Variants in DENND5A observed in about 807,000 individuals in gnomAD.
DENND5A encodes the protein DENN domain-containing protein 5A.
DENND5A carries 64 observed loss-of-function variants against 140.3 expected under a neutral mutation model. That is an observed-to-expected ratio of 0.46 (90% CI 0.37 to 0.56). The LOEUF (loss-of-function observed/expected upper bound fraction) is 0.56, where lower values mean the gene tolerates loss of function less well. Among genes scored for constraint, DENND5A ranks in the 20% least tolerant of loss-of-function variants. The pLI, the probability that DENND5A is intolerant of heterozygous loss-of-function variation, is 0.00. For missense variants in DENND5A, 1,292 were observed against 1,593.8 expected (o/e 0.81, Z 3.22); for synonymous variants, 605 against 607.7 (o/e 1.00, Z 0.07).
chr11:9,246,803 T>A (rs1851491767), intron 1 of DENND5A, among the ~76,000 whole-genome samples: 1 of 152,166 alleles, frequency 6.6e-6, no homozygotes, highest in Non-Finnish European at 1.5e-5. Flanking sequence ...AATCTTTGCA[T>A]CTACCTACAA....
chr11:9,187,368 ACCT>A (rs1373767305), intron 5 of DENND5A, among the ~76,000 whole-genome samples: 5 of 152,062 alleles, frequency 3.3e-5, no homozygotes, highest in Non-Finnish European at 5.9e-5. Context: ...TCCTCTGTTA[ACCT>A]CCTGCCTTGT....
chr11:9,176,477 C>A (rs578257161), intron 8 of DENND5A, among the ~76,000 whole-genome samples: 1 of 152,162 alleles, frequency 6.6e-6, no homozygotes, highest in Non-Finnish European at 1.5e-5. Context: ...TAGATGAGTC[C>A]TCTGAACAAA....
At position 9,265,181 on chromosome 11, in the gene DENND5A, G is replaced by T; in HGVS notation, c.-112C>A. ...CCCTCCCGCCGCCGCCGCTACCGCG[G>T]CTCGGGCCGCCGCCCCCGGCCCTGG... is the stretch of plus-strand genomic sequence containing the variant. On this transcript the variant is annotated 5_prime_UTR_variant, in exon 1 of 23. Coordinates refer to ENST00000328194, the MANE Select transcript of DENND5A (RefSeq NM_015213.4). This position sits in a 1 kb window ranked among gnomAD's most constrained non-coding sequence, Gnocchi z 4.7. 1 of 510,478 alleles carries T rather than the reference G, an allele frequency of 2.0e-6. No individual in the cohort carries two copies. The highest frequency in any genetic ancestry group is 2.5e-6 in the Non-Finnish European group (1 of 394,288). The allele number at this position is 510,478 out of a possible 1,614,324, so 31.6% of individuals were successfully genotyped here.
chr11:9,215,768 T>C (rs1485215264), intron 1 of DENND5A, among the ~76,000 whole-genome samples: 2 of 152,082 alleles, frequency 1.3e-5, no homozygotes, highest in Non-Finnish European at 2.9e-5. Flanking sequence ...CAGGCTGATC[T>C]CAAACCCCTG....
At chr11:9,173,116 G>A (rs1262794384) in intron 8 of DENND5A, among the ~76,000 whole-genome samples, 2 of 151,968 alleles carry the variant, frequency 1.3e-5, no homozygotes, top group African/African-American at 2.4e-5. Flanking sequence ...GTGAGCCACC[G>A]CGCCTGGCCT....
intron 2 of DENND5A, chr11:9,207,253 A>G (rs1849721447): frequency 2.1e-6 from 1 of 486,536 alleles, no homozygotes; most frequent in Non-Finnish European, 3.7e-6. Flanking sequence ...AACATTAACG[A>G]AGCAGATTTC....
At chr11:9,180,710 C>A (rs1848697597) in intron 6 of DENND5A, 57 bp downstream of exon 6, 14 of 1,535,712 alleles carry the variant, frequency 9.1e-6, no homozygotes, top group Non-Finnish European at 1.2e-5. Flanking sequence ...CCTTACTTCA[C>A]CAGGACAGCA....
At chr11:9,251,523 A>C (rs1350598642) in intron 1 of DENND5A, among the ~76,000 whole-genome samples, 1 of 152,162 alleles carries the variant, frequency 6.6e-6, no homozygotes, top group Non-Finnish European at 1.5e-5. Flanking sequence ...TGATCCCCTG[A>C]AGGCATACTG....
At chr11:9,230,230 C>CTTT (rs71062817) in intron 1 of DENND5A, among the ~76,000 whole-genome samples, 10 of 52,060 alleles carry the variant, frequency 1.9e-4, no homozygotes, top group African/African-American at 4.6e-4. Context: ...AAAACTAATG[C>CTTT]TTTTTTTTTT....
intron 1 of DENND5A, among the ~76,000 whole-genome samples, chr11:9,228,093 A>C (rs1385851242): frequency 2.3e-5 from 3 of 128,850 alleles, no homozygotes; most frequent in African/African-American, 9.2e-5. Context: ...AGCCTGGGCG[A>C]TAGCAAGACT....
chr11:9,240,501 GGAGTTA>G (rs1851190257), intron 1 of DENND5A, among the ~76,000 whole-genome samples: 1 of 152,144 alleles, frequency 6.6e-6, no homozygotes, highest in Non-Finnish European at 1.5e-5. Context: ...CTTGAGTCCA[GGAGTTA>G]GAGACCAGCC....
chr11:9,184,664 C>G (rs1848847355), intron 5 of DENND5A, among the ~76,000 whole-genome samples: 1 of 152,206 alleles, frequency 6.6e-6, no homozygotes, highest in African/African-American at 2.4e-5. Context: ...AATGGCACTG[C>G]ATCGTGTATT....
chr11:9,173,808 T>TAA (rs1296288435), intron 8 of DENND5A, among the ~76,000 whole-genome samples: 1 of 151,830 alleles, frequency 6.6e-6, no homozygotes, highest in South Asian at 2.1e-4. Flanking sequence ...AATGAAATCA[T>TAA]AAAAAAAATT....
chr11:9,241,246 T>C (rs1590325078), intron 1 of DENND5A, among the ~76,000 whole-genome samples: 1 of 152,318 alleles, frequency 6.6e-6, no homozygotes, highest in Admixed American at 6.5e-5. Context: ...TTAAAACTCT[T>C]ACAGTAGCCA....
chr11:9,147,198 A>C, intron 15 of DENND5A, 47 bp from the exon 16 acceptor site: 3 of 1,601,168 alleles, frequency 1.9e-6, no homozygotes, highest in Middle Eastern at 1.7e-4. Flanking sequence ...AAAGGAAGGG[A>C]AAGAAACTAG....
At chr11:9,255,881 C>A (rs111323571) in intron 1 of DENND5A, among the ~76,000 whole-genome samples, 3,271 of 150,420 alleles carry the variant, frequency 0.022, 120 homozygotes, top group African/African-American at 0.076. Context: ...AAAAAAAAAT[C>A]CAGGCTTGGT....
chr11:9,142,636 C>CA, intron 21 of DENND5A, 86 bp downstream of exon 21: 2 of 1,527,616 alleles, frequency 1.3e-6, no homozygotes, highest in Admixed American at 1.9e-5. Flanking sequence ...TTCTGCCTCT[C>CA]AGAGTGGTCA....
intron 1 of DENND5A, among the ~76,000 whole-genome samples, chr11:9,223,680 C>G (rs183990725): frequency 6.6e-6 from 1 of 152,168 alleles, no homozygotes; most frequent in East Asian, 1.9e-4. Context: ...GATCACACCA[C>G]TGCACTCCAG....
At chr11:9,171,587 C>A in intron 8 of DENND5A, 1 of 152,020 alleles carries the variant, frequency 6.6e-6, no homozygotes, top group Non-Finnish European at 1.5e-5. Flanking sequence ...TTACCAGGGC[C>A]TGATAGCTTA....
Sources: gnomAD v4.1 joint callset for allele counts (sites outside exome capture counted in the v4.1 genomes callset) on GRCh38, gnomAD v4.1.1 for gene constraint, Gnocchi (gnomAD v3.1) non-coding constraint, MANE v1.5 for transcripts, NCBI Gene and HGNC (gene_info 2026-07-23, HGNC 2026-07-21) for gene names.